FBXL17: variants seen among roughly 807,000 people sequenced by gnomAD.
FBXL17 encodes F-box and leucine rich repeat protein 17.
A neutral mutation model predicts 66.2 loss-of-function variants in FBXL17; 22 were observed. The observed-to-expected ratio is 0.33, with a 90% confidence interval of 0.24 to 0.47. The LOEUF (loss-of-function observed/expected upper bound fraction) is 0.47. FBXL17 is among the 20% of genes least tolerant of loss of function. The pLI, the probability that FBXL17 is intolerant of heterozygous loss-of-function variation, is 1.00. For missense variants in FBXL17, 878 were observed against 948.2 expected (o/e 0.93, Z 0.97); for synonymous variants, 474 against 400.5 (o/e 1.18, Z -2.19).
intron 7 of FBXL17, among the ~76,000 whole-genome samples, chr5:107,941,130 C>T (rs766233316): frequency 6.7e-6 from 1 of 149,246 alleles, no homozygotes; most frequent in Non-Finnish European, 1.5e-5. Flanking sequence ...AAAAAAAAAA[C>T]CCCACACACT....
intron 6 of FBXL17, among the ~76,000 whole-genome samples, chr5:108,125,843 T>C (rs1334890918): frequency 6.6e-6 from 1 of 152,130 alleles, no homozygotes; most frequent in Non-Finnish European, 1.5e-5. Flanking sequence ...TCAAAATATA[T>C]CTAAACCCCA....
intron 6 of FBXL17, among the ~76,000 whole-genome samples, chr5:108,154,094 T>C (rs1751872528): frequency 6.6e-6 from 1 of 151,694 alleles, no homozygotes; most frequent in Non-Finnish European, 1.5e-5. Context: ...AGGTAAATGG[T>C]GGGTTACTTT....
chr5:108,299,715 G>A, intron 4 of FBXL17: 1 of 984,928 alleles, frequency 1.0e-6, no homozygotes, highest in Non-Finnish European at 1.2e-6. Flanking sequence ...GTAATGCCTG[G>A]GTCCCTAGGT....
chr5:107,898,583 T>C (rs756056510), intron 7 of FBXL17, among the ~76,000 whole-genome samples: 1 of 152,200 alleles, frequency 6.6e-6, no homozygotes, highest in African/African-American at 2.4e-5. Context: ...CAACCCGTCA[T>C]CTACATTAGG....
chr5:107,904,807 A>G (rs1749697925), intron 7 of FBXL17, among the ~76,000 whole-genome samples: 1 of 152,188 alleles, frequency 6.6e-6, no homozygotes, highest in Non-Finnish European at 1.5e-5. Flanking sequence ...TTATCATTCT[A>G]AGAAAATATA....
intron 7 of FBXL17, among the ~76,000 whole-genome samples, chr5:107,963,286 T>G (rs1003639975): frequency 1.3e-5 from 2 of 152,102 alleles, no homozygotes; most frequent in African/African-American, 4.8e-5. Flanking sequence ...TTGTTAGCAC[T>G]GATGAATAAG....
intron 6 of FBXL17, among the ~76,000 whole-genome samples, chr5:108,030,356 C>T (rs538151099): frequency 2.0e-5 from 3 of 152,182 alleles, no homozygotes; most frequent in South Asian, 2.1e-4. Context: ...TTTCTCCTTG[C>T]AGAAAGTTGC....
chr5:108,376,217 A>G (rs1292451206), intron 1 of FBXL17, among the ~76,000 whole-genome samples: 1 of 152,234 alleles, frequency 6.6e-6, no homozygotes, highest in African/African-American at 2.4e-5. Flanking sequence ...AATCAGAAAC[A>G]AAACAAGGAT....
chr5:108,065,360 G>C (rs1290522261), intron 6 of FBXL17, among the ~76,000 whole-genome samples: 2 of 152,120 alleles, frequency 1.3e-5, no homozygotes, highest in Non-Finnish European at 2.9e-5. Flanking sequence ...ACACATGTAG[G>C]AGTTTAAACA....
At chr5:108,034,687 G>A (rs555390998) in intron 6 of FBXL17, among the ~76,000 whole-genome samples, 1 of 151,936 alleles carries the variant, frequency 6.6e-6, no homozygotes. Flanking sequence ...ACATAAAGCT[G>A]CTTTGTATTA....
intron 7 of FBXL17, among the ~76,000 whole-genome samples, chr5:107,893,931 C>T (rs767432604): frequency 5.9e-5 from 9 of 152,120 alleles, no homozygotes; most frequent in Admixed American, 2.6e-4. Flanking sequence ...CTGGCTGTAG[C>T]GATATAGTTC....
At chr5:108,067,035 T>G (rs1379822375) in intron 6 of FBXL17, among the ~76,000 whole-genome samples, 4 of 152,068 alleles carry the variant, frequency 2.6e-5, no homozygotes, top group Non-Finnish European at 5.9e-5. Flanking sequence ...TAAAGCAAGG[T>G]CACAGTACTA....
At chr5:108,204,600 G>T (rs1290743910) in intron 5 of FBXL17, among the ~76,000 whole-genome samples, 1 of 152,148 alleles carries the variant, frequency 6.6e-6, no homozygotes, top group Non-Finnish European at 1.5e-5. Flanking sequence ...TCTAAGGCTT[G>T]CCTTTGAACT....
At chr5:108,168,823 T>G (rs1203365630) in intron 6 of FBXL17, among the ~76,000 whole-genome samples, 1 of 152,176 alleles carries the variant, frequency 6.6e-6, no homozygotes. Flanking sequence ...AGAACCCATT[T>G]AGAGGATTGA....
chr5:108,227,737 A>G (rs1755159070), intron 4 of FBXL17, among the ~76,000 whole-genome samples: 2 of 152,254 alleles, frequency 1.3e-5, no homozygotes, highest in South Asian at 4.1e-4. Context: ...CCTCAAAAGT[A>G]AAGTATGCTT....
At chr5:108,307,718 G>A (rs956951006) in intron 4 of FBXL17, among the ~76,000 whole-genome samples, 1 of 152,026 alleles carries the variant, frequency 6.6e-6, no homozygotes, top group African/African-American at 2.4e-5. Context: ...ATGAATGACA[G>A]GATGTTCTTT....
At chr5:107,915,329 T>A (rs1002121763) in intron 7 of FBXL17, among the ~76,000 whole-genome samples, 9 of 152,202 alleles carry the variant, frequency 5.9e-5, no homozygotes, top group African/African-American at 2.2e-4. Flanking sequence ...GCCTCAGATT[T>A]AATGTTGATT....
intron 6 of FBXL17, among the ~76,000 whole-genome samples, chr5:108,074,038 G>A (rs1204059572): frequency 1.3e-5 from 2 of 152,150 alleles, no homozygotes; most frequent in African/African-American, 4.8e-5. Context: ...TCTATAACCT[G>A]ATTTACCACC....
chr5:108,114,590 T>A (rs938454766), intron 6 of FBXL17, among the ~76,000 whole-genome samples: 5 of 152,220 alleles, frequency 3.3e-5, no homozygotes, highest in African/African-American at 1.2e-4. Flanking sequence ...TGTGGACATT[T>A]GTTTTTCAAA....
Sources: allele counts gnomAD v4.1 joint callset (sites outside exome capture counted in the v4.1 genomes callset), GRCh38; gene constraint gnomAD v4.1.1; transcripts MANE v1.5; gene names NCBI Gene and HGNC (gene_info 2026-07-23, HGNC 2026-07-21).